Variants in SYT1 observed in about 807,000 individuals in gnomAD.
SYT1 encodes synaptotagmin-1.
Under a neutral mutation model 44.8 loss-of-function variants are expected in SYT1, and 8 were observed. That is an observed-to-expected ratio of 0.18 (90% CI 0.10 to 0.32). The LOEUF is 0.32. Ranked by LOEUF, SYT1 falls within the 10% of genes least tolerant of loss-of-function variation. The pLI, the probability that SYT1 is intolerant of heterozygous loss-of-function variation, is 1.00. For missense variants in SYT1, 286 were observed against 509.3 expected (o/e 0.56, Z 4.22); for synonymous variants, 154 against 188.8 (o/e 0.82, Z 1.51).
intron 2 of SYT1, among the ~76,000 whole-genome samples, chr12:78,996,780 T>A (rs1194450405): frequency 6.6e-6 from 1 of 152,012 alleles, no homozygotes; most frequent in South Asian, 2.1e-4. Context: ...ATCACAGATA[T>A]AAAGAACACA....
intron 4 of SYT1, among the ~76,000 whole-genome samples, chr12:79,232,535 C>T (rs1381845791): frequency 6.6e-6 from 1 of 152,144 alleles, no homozygotes; most frequent in African/African-American, 2.4e-5. Flanking sequence ...GCTTGTCTAC[C>T]TAGACTCCTT....
chr12:78,924,424 A>C (rs1357323394), intron 1 of SYT1, among the ~76,000 whole-genome samples: 1 of 151,592 alleles, frequency 6.6e-6, no homozygotes, highest in Non-Finnish European at 1.5e-5. Context: ...CTTATTCATG[A>C]TTCTTATGTG....
chr12:79,322,162 C>T (rs547885297), intron 8 of SYT1, among the ~76,000 whole-genome samples: 56 of 152,252 alleles, frequency 3.7e-4, no homozygotes, highest in South Asian at 3.1e-3. Context: ...GAACTGAGAA[C>T]GAAAATGGTT....
intron 1 of SYT1, among the ~76,000 whole-genome samples, chr12:78,959,125 G>A (rs115158029): frequency 0.015 from 2,299 of 152,152 alleles, 60 homozygotes; most frequent in African/African-American, 0.052. Flanking sequence ...AATTTGAGAA[G>A]CTACCTAAGC....
intron 2 of SYT1, among the ~76,000 whole-genome samples, chr12:78,979,942 A>AGGG (rs1869122707): frequency 1.3e-5 from 2 of 152,068 alleles, no homozygotes; most frequent in African/African-American, 2.4e-5. Flanking sequence ...AAGAATTTCA[A>AGGG]CCGATCTTTT....
At position 79,054,310 on chromosome 12, in the gene SYT1, T is replaced by A. The variant is rs147900050; in HGVS notation, c.-18+6948T>A. Reference sequence around the variant, plus strand: ...ACACGTTACTTTTCTTTTCTACTTATCATCAATAAATATTAGATTGCATCA... The same window carrying A: ...ACACGTTACTTTTCTTTTCTACTTAACATCAATAAATATTAGATTGCATCA... On this transcript the variant is annotated intron_variant, in intron 3 of 10. Coordinates refer to ENST00000261205, the MANE Select transcript of SYT1 (RefSeq NM_005639.3). Among the ~76,000 whole-genome samples the A allele has an allele frequency of 3.3e-3, 499 of 152,138 alleles. 5 individuals carry two copies. The highest frequency in any genetic ancestry group is 0.011 in the African/African-American group (470 of 41,532).
At chr12:79,372,747 A>G (rs1259527653) in intron 9 of SYT1, among the ~76,000 whole-genome samples, 2 of 152,196 alleles carry the variant, frequency 1.3e-5, no homozygotes, top group African/African-American at 4.8e-5. Flanking sequence ...TTCTTGGTCC[A>G]TGGTTTGCTG....
At chr12:79,101,451 T>C (rs1305469541) in intron 3 of SYT1, among the ~76,000 whole-genome samples, 2 of 151,986 alleles carry the variant, frequency 1.3e-5, no homozygotes, top group Non-Finnish European at 2.9e-5. Flanking sequence ...GAAAGTAGAG[T>C]GCTGAAGGAA....
chr12:78,973,367 A>C (rs1241741880), intron 1 of SYT1, among the ~76,000 whole-genome samples: 1 of 152,080 alleles, frequency 6.6e-6, no homozygotes, highest in Non-Finnish European at 1.5e-5. Flanking sequence ...TCTAACTGAA[A>C]TTTTGTTTCT....
chr12:79,022,916 GT>G (rs1177778847), intron 2 of SYT1, among the ~76,000 whole-genome samples: 2 of 151,724 alleles, frequency 1.3e-5, no homozygotes, highest in African/African-American at 4.8e-5. Flanking sequence ...GTGTACCTTA[GT>G]TTTAGTGCTA....
At chr12:79,223,190 A>T (rs1318746951) in intron 4 of SYT1, among the ~76,000 whole-genome samples, 1 of 152,182 alleles carries the variant, frequency 6.6e-6, no homozygotes, top group African/African-American at 2.4e-5. Flanking sequence ...ATGATCATGT[A>T]TCAATGTCTG....
chr12:79,372,028 A>G (rs1593009559), intron 9 of SYT1, among the ~76,000 whole-genome samples: 1 of 152,172 alleles, frequency 6.6e-6, no homozygotes, highest in South Asian at 2.1e-4. Flanking sequence ...ATTCATGAGA[A>G]TGAATTGTTT....
At position 79,328,316 on chromosome 12, in the gene SYT1, A is replaced by G. The variant is rs995181241; in HGVS notation, c.811-25186A>G. Among the ~76,000 whole-genome samples the G allele has an allele frequency of 4.0e-4, 61 of 152,368 alleles. No homozygotes were observed. In the Middle Eastern group the frequency reaches 0.01, roughly 25 times the overall value. ...AGCAAACAGGACAATAAATGAAATT[A>G]CAGGAAGATGCACTAATTTTAAGGG... On this transcript the variant is annotated intron_variant, in intron 8 of 10. Transcript: ENST00000261205.
intron 8 of SYT1, among the ~76,000 whole-genome samples, chr12:79,352,697 A>G (rs1882960789): frequency 1.3e-5 from 2 of 151,320 alleles, no homozygotes; most frequent in African/African-American, 2.4e-5. Flanking sequence ...GTCTTTTCCG[A>G]AAAAAAAAGT....
chr12:79,194,291 A>AT (rs1873309212), intron 3 of SYT1, among the ~76,000 whole-genome samples: 1 of 151,900 alleles, frequency 6.6e-6, no homozygotes, highest in South Asian at 2.1e-4. Context: ...GTTTTTTACT[A>AT]TTTTTTTCCT....
At chr12:79,209,504 G>A (rs1874316124) in intron 3 of SYT1, among the ~76,000 whole-genome samples, 1 of 152,218 alleles carries the variant, frequency 6.6e-6, no homozygotes, top group Non-Finnish European at 1.5e-5. Flanking sequence ...GGCTTTAGCT[G>A]ATCCTGCAGT....
At chr12:79,411,843 C>G (rs1244151282) in intron 9 of SYT1, among the ~76,000 whole-genome samples, 2 of 151,866 alleles carry the variant, frequency 1.3e-5, no homozygotes, top group African/African-American at 4.8e-5. Context: ...CATTTTTAAC[C>G]TCTTTTTTTT....
At chr12:79,172,834 G>A (rs2138357720) in intron 3 of SYT1, among the ~76,000 whole-genome samples, 2 of 151,184 alleles carry the variant, frequency 1.3e-5, no homozygotes, top group South Asian at 4.2e-4. Context: ...TCTCCCCTTG[G>A]AAATACTATG....
At chr12:79,189,988 T>C (rs1873017956) in intron 3 of SYT1, among the ~76,000 whole-genome samples, 1 of 151,988 alleles carries the variant, frequency 6.6e-6, no homozygotes, top group Non-Finnish European at 1.5e-5. Flanking sequence ...GGGGAGCGTG[T>C]TTTCCCCCAG....
Sources: allele counts gnomAD v4.1 joint callset (sites outside exome capture counted in the v4.1 genomes callset), GRCh38; gene constraint gnomAD v4.1.1; transcripts MANE v1.5; gene names NCBI Gene and HGNC (gene_info 2026-07-23, HGNC 2026-07-21).